The following ABCD3 variants were observed in gnomAD, a reference collection of about 807,000 sequenced individuals.
The protein encoded by ABCD3 is ATP binding cassette subfamily D member 3, also known as ATP-binding cassette sub-family D member 3.
ABCD3 carries 41 observed loss-of-function variants against 105.5 expected under a neutral mutation model. That is an observed-to-expected ratio of 0.39 (90% confidence interval 0.30 to 0.50). The LOEUF (loss-of-function observed/expected upper bound fraction) is 0.50, where lower values mean the gene tolerates loss of function less well. ABCD3 is among the 20% of genes least tolerant of loss of function. The pLI, the probability that ABCD3 is intolerant of heterozygous loss-of-function variation, is 0.84. For missense variants in ABCD3, 622 were observed against 806.3 expected, an observed-to-expected ratio of 0.77 and a Z score of 2.77; for synonymous variants, 258 against 269.0, an observed-to-expected ratio of 0.96 and a Z score of 0.40.
At chr1:94,411,721 A>G in the ABCD3 span, among the ~76,000 whole-genome samples, 1 of 152,232 alleles carries the variant, frequency 6.6e-6, no homozygotes, top group Non-Finnish European at 1.5e-5. Context: ...CTATTCAAAT[A>G]ACCAAAAGGT....
At chr1:94,434,765 A>C (rs375317262) in intron 1 of ABCD3, among the ~76,000 whole-genome samples, 36 of 152,330 alleles carry the variant, frequency 2.4e-4, no homozygotes, top group African/African-American at 8.7e-4. Context: ...TTACAAAACA[A>C]AACACCCTTT....
At chr1:94,462,342 A>C (rs1411405913) in intron 2 of ABCD3, among the ~76,000 whole-genome samples, 8 of 152,162 alleles carry the variant, frequency 5.3e-5, no homozygotes, top group Non-Finnish European at 8.8e-5. Flanking sequence ...AATATTATGT[A>C]CTGCCTCTAT....
chr1:94,460,114 CT>C (rs1647796104), intron 2 of ABCD3, among the ~76,000 whole-genome samples: 1 of 152,006 alleles, frequency 6.6e-6, no homozygotes, highest in Non-Finnish European at 1.5e-5. Flanking sequence ...TTTTATTTCT[CT>C]TGGGTGTGTA....
chr1:94,398,888 C>T, the ABCD3 span, among the ~76,000 whole-genome samples: 17 of 151,914 alleles, frequency 1.1e-4, no homozygotes, highest in South Asian at 8.3e-4. Flanking sequence ...CACTCCAGCC[C>T]GGCGACAGAC....
chr1:94,423,844 T>G (rs1659364982), intron 1 of ABCD3, among the ~76,000 whole-genome samples: 2 of 152,110 alleles, frequency 1.3e-5, no homozygotes, highest in South Asian at 4.1e-4. Flanking sequence ...CTCTACAACT[T>G]TCCTGCAAAC....
In ABCD3 at chr1:94,449,645, T is replaced by G. The variant is rs569375116; in HGVS notation, c.111-8962T>G. On this transcript the variant is annotated intron_variant, in intron 1 of 22. Coordinates refer to ENST00000370214, the MANE Select transcript of ABCD3 (RefSeq NM_002858.4). ...ACCTGGCCAGAAAAAGTGAACGTAC[T>G]TGTTTAGGAAGATTGCATTGCAGAA... 2.3e-3 allele frequency among the ~76,000 whole-genome samples: 344 copies of G among 152,318 alleles called. 1 individual carries two copies. Among genetic ancestry groups the G allele is most frequent in the South Asian group, 0.013 (62 of 4,826 alleles).
chr1:94,418,414 G>A lies in ABCD3; in HGVS notation c.-65G>A. 7.3e-7 allele frequency: 1 copy of A among 1,364,920 alleles called. No individual in the cohort carries two copies. Among genetic ancestry groups the A allele is most frequent in the South Asian group, 1.2e-5 (1 of 81,574 alleles). 84.6% of individuals were successfully genotyped at this position (1,364,920 alleles called of 1,614,324 possible). On this transcript the variant is annotated 5_prime_UTR_variant, in exon 1 of 23. Coordinates refer to ENST00000370214, the MANE Select transcript of ABCD3 (RefSeq NM_002858.4). Reference sequence around the variant, plus strand: ...CCCAGTCTCCCCCGCGCTGCGTGCAGTAAGGTAGCCGCCGCCGCCGCCGCC... The same window carrying A: ...CCCAGTCTCCCCCGCGCTGCGTGCAATAAGGTAGCCGCCGCCGCCGCCGCC...
chr1:94,509,566 C>T (rs1432570263), intron 21 of ABCD3, among the ~76,000 whole-genome samples: 1 of 152,176 alleles, frequency 6.6e-6, no homozygotes, highest in Admixed American at 6.5e-5. Flanking sequence ...AGGAATGGTA[C>T]CAGTTCCTCC....
At chr1:94,461,093 A>G (rs930339652) in intron 2 of ABCD3, among the ~76,000 whole-genome samples, 2 of 152,184 alleles carry the variant, frequency 1.3e-5, no homozygotes, top group African/African-American at 4.8e-5. Flanking sequence ...GCACACTGAT[A>G]GCACATTTGT....
intron 4 of ABCD3, among the ~76,000 whole-genome samples, chr1:94,471,603 A>G (rs1403295163): frequency 7.2e-5 from 11 of 152,074 alleles, no homozygotes; most frequent in Admixed American, 7.2e-4. Flanking sequence ...TTTCTCCTAA[A>G]TAGTTTTGAG....
rs1659249310 is a variant in ABCD3 at position 94,421,303 on chromosome 1, A to G, written c.110+2715A>G. On this transcript the variant is annotated intron_variant, in intron 1 of 22. Coordinates refer to ENST00000370214, the MANE Select transcript of ABCD3 (RefSeq NM_002858.4). The stretch of plus-strand genomic sequence containing the variant: ...GTACATTTTTTAAACAAATGGATAC[A>G]CTATGTAACACATCCCTATGACAAA... Among the ~76,000 whole-genome samples, 4 of 152,258 alleles carry G rather than the reference A, an allele frequency of 2.6e-5. No homozygotes were observed. In the South Asian group the frequency reaches 6.2e-4, roughly 24 times the overall value.
the ABCD3 span, among the ~76,000 whole-genome samples, chr1:94,399,656 C>T: frequency 6.6e-5 from 10 of 152,198 alleles, no homozygotes; most frequent in Admixed American, 2.6e-4. Context: ...AGAGCATGTG[C>T]TCAGATCAAT....
rs3073023 is a variant in ABCD3 at position 94,421,562 on chromosome 1, ATGTG to A, written c.110+3000_110+3003del. Among the ~76,000 whole-genome samples, 1,214 of 149,014 alleles carry A rather than the reference ATGTG, an allele frequency of 8.1e-3. 19 individuals are homozygous for A. Among genetic ancestry groups the A allele is most frequent in the African/African-American group, 0.027 (1,098 of 40,484 alleles). On this transcript the variant is annotated intron_variant, in intron 1 of 22. Transcript: ENST00000370214. ...ATATTACTGTACTGGGAGCTATAAG[ATGTG>A]TGTGTGTGTGTGTGTGTGTGTGTGT...
At chr1:94,403,396 T>TA in the ABCD3 span, among the ~76,000 whole-genome samples, 721 of 152,300 alleles carry the variant, frequency 4.7e-3, 8 homozygotes, top group African/African-American at 0.016. Context: ...AATAAGCAGT[T>TA]ATCTGTCAGC....
At chr1:94,447,348 A>G (rs943967191) in intron 1 of ABCD3, among the ~76,000 whole-genome samples, 1 of 152,256 alleles carries the variant, frequency 6.6e-6, no homozygotes, top group Admixed American at 6.5e-5. Context: ...CTATGGGAGC[A>G]TGGGAGCATT....
intron 9 of ABCD3, 77 bp from the exon 10 acceptor site, chr1:94,483,093 C>A: frequency 1.1e-6 from 1 of 926,742 alleles, no homozygotes; most frequent in Non-Finnish European, 1.7e-6. Flanking sequence ...AACATTCAGC[C>A]ATCATATACT....
intron 20 of ABCD3, among the ~76,000 whole-genome samples, chr1:94,500,420 G>A (rs1650037362): frequency 2.0e-5 from 3 of 152,060 alleles, no homozygotes; most frequent in South Asian, 2.1e-4. Flanking sequence ...CAGGCTGGGC[G>A]ATAGAAGGAG....
chr1:94,486,493 A>AT (rs1649285260), intron 10 of ABCD3, among the ~76,000 whole-genome samples: 1 of 152,176 alleles, frequency 6.6e-6, no homozygotes, highest in Non-Finnish European at 1.5e-5. Context: ...TGTTCCAGAG[A>AT]TTGTCTAGTT....
chr1:94,448,851 C>T (rs1660459572), intron 1 of ABCD3, among the ~76,000 whole-genome samples: 1 of 152,250 alleles, frequency 6.6e-6, no homozygotes. Flanking sequence ...AAAAATGAAT[C>T]TGTCCCTGAA....
Sources: allele counts gnomAD v4.1 joint callset (sites outside exome capture counted in the v4.1 genomes callset), GRCh38; gene constraint gnomAD v4.1.1; transcripts MANE v1.5; gene names NCBI Gene and HGNC (gene_info 2026-07-23, HGNC 2026-07-21).